CAST: variants seen among roughly 807,000 people sequenced by gnomAD.
The protein encoded by CAST is calpastatin.
A neutral mutation model predicts 119.6 loss-of-function variants in CAST; 76 were observed. That is an observed-to-expected ratio of 0.64 (90% CI 0.53 to 0.77). CAST has a LOEUF of 0.77. Among genes scored for constraint, CAST ranks in the 30% least tolerant of loss-of-function variants. The probability of loss-of-function intolerance (pLI) is 0.00; values close to 1 mark genes in which losing one functional copy is unlikely to be tolerated. For synonymous variants in CAST, 319 were observed against 331.6 expected, an observed-to-expected ratio of 0.96 and a Z score of 0.41; for missense variants, 953 against 946.5, an observed-to-expected ratio of 1.01 and a Z score of -0.09.
chr5:96,637,227 T>C (rs1370796117), intron 1 of CAST, among the ~76,000 whole-genome samples: 1 of 152,222 alleles, frequency 6.6e-6, no homozygotes, highest in African/African-American at 2.4e-5. Flanking sequence ...TTTACATTTA[T>C]TTTCTCAGCT....
the CAST span, among the ~76,000 whole-genome samples, chr5:96,375,168 A>G: frequency 6.6e-6 from 1 of 152,204 alleles, no homozygotes; most frequent in African/African-American, 2.4e-5. Flanking sequence ...ATAGCTAGAA[A>G]GGGCGTTGGA....
chr5:96,765,062 T>A (rs1002076109), intron 25 of CAST, among the ~76,000 whole-genome samples, 159 bp from the exon 26 acceptor site: 4 of 152,126 alleles, frequency 2.6e-5, no homozygotes, highest in Non-Finnish European at 5.9e-5. Context: ...ATTCCTAGGC[T>A]TCTCTTCTCT....
chr5:96,311,658 CCTT>C, the CAST span, among the ~76,000 whole-genome samples: 33 of 152,024 alleles, frequency 2.2e-4, no homozygotes, highest in African/African-American at 7.0e-4. Context: ...CACATAATAT[CCTT>C]CTTTGTCTCT....
chr5:96,240,743 T>C, the CAST span, among the ~76,000 whole-genome samples: 1 of 149,356 alleles, frequency 6.7e-6, no homozygotes, highest in East Asian at 1.9e-4. Context: ...TTCTTTTTTT[T>C]TTTTTTTTTT....
intron 1 of CAST, among the ~76,000 whole-genome samples, chr5:96,588,201 T>C (rs1746893765): frequency 1.4e-5 from 1 of 69,782 alleles, no homozygotes; most frequent in African/African-American, 4.5e-5. Context: ...TCTTTCTTTT[T>C]TTTTTTTTTT....
At chr5:96,178,382 A>G in the CAST span, among the ~76,000 whole-genome samples, 1 of 152,174 alleles carries the variant, frequency 6.6e-6, no homozygotes, top group Non-Finnish European at 1.5e-5. Flanking sequence ...TTTATTTTTA[A>G]TTCTTAGGTC....
chr5:96,708,236 T>C (rs1755417123), intron 3 of CAST, among the ~76,000 whole-genome samples: 2 of 152,216 alleles, frequency 1.3e-5, no homozygotes, highest in African/African-American at 2.4e-5. Context: ...GAGGTGAGTC[T>C]GCATCAGGGA....
intron 2 of CAST, among the ~76,000 whole-genome samples, chr5:96,693,674 C>T (rs1248753143): frequency 3.3e-5 from 5 of 152,180 alleles, no homozygotes; most frequent in Non-Finnish European, 5.9e-5. Context: ...TTATGTCTTA[C>T]GTCCAGTCTT....
chr5:96,326,958 A>G, the CAST span, among the ~76,000 whole-genome samples: 1 of 152,136 alleles, frequency 6.6e-6, no homozygotes, highest in Admixed American at 6.5e-5. Context: ...CTTCTCTGGA[A>G]CGGTTGAAGG....
intron 3 of CAST, among the ~76,000 whole-genome samples, chr5:96,720,053 C>G (rs1393618774): frequency 6.6e-6 from 1 of 152,180 alleles, no homozygotes; most frequent in East Asian, 1.9e-4. Context: ...CCATCTTTGA[C>G]TAGGCTATAG....
At chr5:96,632,976 T>TGTTC (rs1747841808) in intron 1 of CAST, among the ~76,000 whole-genome samples, 2 of 152,174 alleles carry the variant, frequency 1.3e-5, no homozygotes, top group Non-Finnish European at 2.9e-5. Context: ...TTGGTTTGTT[T>TGTTC]TGTTCTGTTT....
At chr5:96,725,681 CTG>C (rs771147468) in intron 4 of CAST, among the ~76,000 whole-genome samples, 10 of 152,208 alleles carry the variant, frequency 6.6e-5, no homozygotes, top group Non-Finnish European at 1.2e-4. Flanking sequence ...CTGCTTGTGT[CTG>C]TGAGCATACA....
the CAST span, among the ~76,000 whole-genome samples, chr5:96,238,364 C>CT: frequency 9.3e-3 from 1,318 of 141,332 alleles, 31 homozygotes; most frequent in African/African-American, 0.033. Context: ...TCTTCTTCTT[C>CT]TCCTTCTTCT....
chr5:96,035,069 G>GTA, the CAST span, among the ~76,000 whole-genome samples: 782 of 131,320 alleles, frequency 6.0e-3, 7 homozygotes, highest in African/African-American at 0.018. Context: ...ATATATTTAA[G>GTA]TATATATATA....
At chr5:96,451,933 G>A in the CAST span, among the ~76,000 whole-genome samples, 14 of 152,126 alleles carry the variant, frequency 9.2e-5, no homozygotes, top group African/African-American at 2.7e-4. Flanking sequence ...AATCAAAACC[G>A]CAATGAGATA....
At chr5:96,695,517 A>G (rs1218588597) in intron 2 of CAST, among the ~76,000 whole-genome samples, 1 of 152,192 alleles carries the variant, frequency 6.6e-6, no homozygotes, top group Non-Finnish European at 1.5e-5. Flanking sequence ...ACATTGTAAC[A>G]TTGTATACTC....
the CAST span, chr5:96,432,759 G>C: frequency 4.5e-6 from 4 of 884,728 alleles, no homozygotes; most frequent in African/African-American, 1.7e-5. Context: ...TTGCTACTCT[G>C]GGCTCTGGAG....
At position 96,616,753 on chromosome 5, in the gene CAST, T is replaced by TACAC. The variant is rs377159898; in HGVS notation, c.61-58746_61-58743dup. Among the ~76,000 whole-genome samples the TACAC allele has an allele frequency of 8.4e-3, 1,102 of 130,788 alleles. 3 individuals are homozygous for TACAC. Among genetic ancestry groups the TACAC allele is most frequent in the African/African-American group, 0.015 (544 of 36,380 alleles). 85.8% of individuals were successfully genotyped at this position (130,788 alleles called of 152,430 possible). A position where few individuals can be genotyped will look rare whatever the true frequency, so the allele number is the denominator to read the frequency against. On this transcript the variant is annotated intron_variant, in intron 1 of 11. Transcript: ENST00000505143. ...CGCTCTCTCTCTCTCTCTATATATATACACACACACACACACACACACACA... is the reference window on the plus strand; with the variant it reads ...CGCTCTCTCTCTCTCTCTATATATATACACACACACACACACACACACACACACA...
intron 3 of CAST, among the ~76,000 whole-genome samples, chr5:96,720,340 A>T (rs892319155): frequency 6.6e-6 from 1 of 152,242 alleles, no homozygotes; most frequent in African/African-American, 2.4e-5. Flanking sequence ...AATGATACGA[A>T]ATTCAAACAA....
Sources: allele counts gnomAD v4.1 joint callset (sites outside exome capture counted in the v4.1 genomes callset), GRCh38; gene constraint gnomAD v4.1.1; transcripts MANE v1.5; gene names NCBI Gene and HGNC (gene_info 2026-07-23, HGNC 2026-07-21).